Variants in DCLK1 observed in about 807,000 individuals in gnomAD.
DCLK1 encodes the protein doublecortin like kinase 1.
Under a neutral mutation model 86.2 loss-of-function variants are expected in DCLK1, and 16 were observed. The ratio of observed to expected loss-of-function variants is 0.19; its 90% confidence interval spans 0.13 to 0.28. DCLK1 has a LOEUF of 0.28. Ranked by LOEUF, DCLK1 falls within the 10% of genes least tolerant of loss-of-function variation. DCLK1 has a pLI of 1.00. For missense variants in DCLK1, 590 were observed against 940.2 expected, an observed-to-expected ratio of 0.63 and a Z score of 4.87; for synonymous variants, 369 against 370.5, an observed-to-expected ratio of 1.00 and a Z score of 0.05.
At chr13:35,920,665 C>T (rs7327863) in intron 4 of DCLK1, among the ~76,000 whole-genome samples, 30,378 of 151,938 alleles carry the variant, frequency 0.2, 4,319 homozygotes, top group African/African-American at 0.4. Flanking sequence ...ACTGGTTCAT[C>T]GAAAGTTTTC....
chr13:35,946,634 C>T (rs558629203), intron 4 of DCLK1, among the ~76,000 whole-genome samples: 1 of 152,264 alleles, frequency 6.6e-6, no homozygotes, highest in Admixed American at 6.5e-5. Flanking sequence ...TGCAATACTC[C>T]CATAATTAAA....
chr13:36,083,507 A>T (rs1005931024), intron 3 of DCLK1, among the ~76,000 whole-genome samples: 2 of 152,196 alleles, frequency 1.3e-5, no homozygotes, highest in Non-Finnish European at 2.9e-5. Flanking sequence ...TCTACTGTTT[A>T]TTGGTGCCCA....
In DCLK1 at chr13:35,822,845, T is replaced by C. The variant is rs777541553; in HGVS notation, c.1438A>G (p.Thr480Ala). Residue 480 changes from threonine (T) to alanine (A), a missense_variant, in exon 11 of 17, where the codon ACT (threonine) becomes GCT (alanine). This residue lies in a region of DCLK1 where 108 missense variants were observed against 195.7 expected (regional missense o/e 0.55). Coordinates refer to ENST00000360631, the MANE Select transcript of DCLK1 (RefSeq NM_001330071.2). The part of the protein sequence containing the change: ...GGDLFDAITS[T>A]NKYTERDASG... The stretch of plus-strand genomic sequence containing the variant: ...GCGTCTCTCTCGGTGTATTTGTTAG[T>C]GGAAGTAATGGCATCAAAAAGGTCT... 34 of 1,613,504 alleles carry C rather than the reference T, an allele frequency of 2.1e-5. No individual in the cohort carries two copies. Among genetic ancestry groups the C allele is most frequent in the Non-Finnish European group, 2.7e-5 (32 of 1,179,944 alleles).
intron 3 of DCLK1, among the ~76,000 whole-genome samples, chr13:36,011,518 T>A (rs1425445968): frequency 1.5e-4 from 21 of 138,290 alleles, no homozygotes; most frequent in African/African-American, 5.8e-4. Context: ...TTGTTCAGTT[T>A]CCATGTAGTT....
intron 16 of DCLK1, among the ~76,000 whole-genome samples, chr13:35,785,770 G>A (rs575963658): frequency 3.9e-5 from 6 of 152,264 alleles, no homozygotes; most frequent in Admixed American, 1.3e-4. Context: ...AGGGATGCTC[G>A]CCTGTAATGA....
intron 3 of DCLK1, among the ~76,000 whole-genome samples, chr13:35,966,804 C>T (rs7994649): frequency 0.99 from 150,615 of 151,986 alleles, 74,637 homozygotes; most frequent in Middle Eastern, 1. Flanking sequence ...GCTCACTCAG[C>T]GCTCAATGTT....
chr13:36,005,362 A>G (rs1880903517), intron 3 of DCLK1, among the ~76,000 whole-genome samples: 1 of 152,208 alleles, frequency 6.6e-6, no homozygotes, highest in African/African-American at 2.4e-5. Context: ...AAAAACAATG[A>G]TCACTCATTA....
chr13:36,070,264 G>A (rs985412207), intron 3 of DCLK1, among the ~76,000 whole-genome samples: 1 of 152,090 alleles, frequency 6.6e-6, no homozygotes, highest in Non-Finnish European at 1.5e-5. Flanking sequence ...GACGTAATAC[G>A]AGTTTCAAAA....
At chr13:35,897,819 T>A (rs1321456593) in intron 4 of DCLK1, among the ~76,000 whole-genome samples, 2 of 152,258 alleles carry the variant, frequency 1.3e-5, no homozygotes, top group Admixed American at 6.5e-5. Flanking sequence ...ACACACCTGA[T>A]AAAGGAGAGT....
intron 2 of DCLK1, among the ~76,000 whole-genome samples, chr13:36,122,205 G>A (rs1365431075): frequency 6.6e-6 from 1 of 152,084 alleles, no homozygotes; most frequent in Admixed American, 6.6e-5. Context: ...GGTGAAGCAT[G>A]GGTTTAATCC....
At position 35,816,043 on chromosome 13, in the gene DCLK1, A is replaced by T. The variant is rs192419848; in HGVS notation, c.1555-5075T>A. Among the ~76,000 whole-genome samples the T allele has an allele frequency of 3.1e-3, 470 of 152,326 alleles. 6 individuals carry two copies. Among genetic ancestry groups the T allele is most frequent in the Middle Eastern group, 0.01 (3 of 294 alleles). ...TTCTCACCCTCAATTTAAAATAGTC[A>T]TGAAACTATCTTAAAAGGAGTTCTA... On this transcript the variant is annotated intron_variant, in intron 11 of 16. Transcript: ENST00000360631.
In DCLK1 at chr13:35,837,625, T is replaced by C. The variant is rs377395566; in HGVS notation, c.1120+1467A>G. ...CCTCCTTGGCTGTTGGGTACAAGTGTGACCCTGCAGGTGGGAAATGGAAGA... is the reference window on the plus strand; with the variant it reads ...CCTCCTTGGCTGTTGGGTACAAGTGCGACCCTGCAGGTGGGAAATGGAAGA... On this transcript the variant is annotated intron_variant, in intron 7 of 16. Coordinates refer to ENST00000360631, the MANE Select transcript of DCLK1 (RefSeq NM_001330071.2). 1.4e-3 allele frequency among the ~76,000 whole-genome samples: 220 copies of C among 152,296 alleles called. 1 individual carries two copies. Among genetic ancestry groups the C allele is most frequent in the African/African-American group, 5.0e-3 (206 of 41,568 alleles).
intron 10 of DCLK1, among the ~76,000 whole-genome samples, chr13:35,823,166 G>T (rs1466488042): frequency 1.3e-5 from 2 of 152,126 alleles, no homozygotes; most frequent in Non-Finnish European, 2.9e-5. Context: ...AGGGGACGAG[G>T]AGATGCAGCT....
chr13:36,051,413 A>C (rs1357998503), intron 3 of DCLK1, among the ~76,000 whole-genome samples: 1 of 152,146 alleles, frequency 6.6e-6, no homozygotes, highest in Non-Finnish European at 1.5e-5. Context: ...ACACTTTCAG[A>C]TGCCAAAAGA....
intron 3 of DCLK1, among the ~76,000 whole-genome samples, chr13:36,033,398 G>A (rs1461130271): frequency 6.6e-6 from 1 of 152,158 alleles, no homozygotes; most frequent in Non-Finnish European, 1.5e-5. Context: ...GTAATAGGCA[G>A]ATTAAAATCG....
At chr13:36,081,937 A>G (rs925624118) in intron 3 of DCLK1, among the ~76,000 whole-genome samples, 1 of 152,210 alleles carries the variant, frequency 6.6e-6, no homozygotes, top group Non-Finnish European at 1.5e-5. Flanking sequence ...GAACTTTAGC[A>G]TCCTGCAAAC....
intron 6 of DCLK1, chr13:35,848,999 T>C (rs1182785607): frequency 2.0e-6 from 2 of 985,134 alleles, no homozygotes; most frequent in Admixed American, 1.2e-4. Context: ...GGAACAGGTA[T>C]TATTATGAAC....
chr13:36,075,473 G>C lies in DCLK1; in HGVS notation c.723+36396C>G, dbSNP rs368620586. The stretch of plus-strand genomic sequence containing the variant: ...ATTTTGGGAAATCGAGCATATGTCA[G>C]ATGCCACCAACTGCCTTATAATTTA... On this transcript the variant is annotated intron_variant, in intron 3 of 16. Coordinates refer to ENST00000360631, the MANE Select transcript of DCLK1 (RefSeq NM_001330071.2). Among the ~76,000 whole-genome samples the C allele has an allele frequency of 1.6e-4, 25 of 152,276 alleles. No individual in the cohort carries two copies. The East Asian group carries it at 2.3e-3, about 14-fold the overall frequency.
intron 11 of DCLK1, among the ~76,000 whole-genome samples, chr13:35,821,764 CA>C (rs1202006290): frequency 1.3e-5 from 2 of 151,498 alleles, no homozygotes; most frequent in African/African-American, 4.8e-5. Flanking sequence ...ATATTACTCC[CA>C]TATTTCCCAG....
Sources: gnomAD v4.1 joint callset for allele counts (sites outside exome capture counted in the v4.1 genomes callset) on GRCh38, gnomAD v4.1.1 for gene constraint, gnomAD v4.1.1 regional missense constraint, MANE v1.5 for transcripts, NCBI Gene and HGNC (gene_info 2026-07-23, HGNC 2026-07-21) for gene names.